Variants in KIF13A observed in about 807,000 individuals in gnomAD.
KIF13A encodes the protein kinesin-like protein KIF13A.
KIF13A carries 79 observed loss-of-function variants against 212.2 expected under a neutral mutation model. The ratio of observed to expected loss-of-function variants is 0.37; its 90% CI spans 0.31 to 0.45. The LOEUF is 0.45. Among genes scored for constraint, KIF13A ranks in the 20% least tolerant of loss-of-function variants. KIF13A has a pLI of 1.00. For synonymous variants in KIF13A, 789 were observed against 808.6 expected (o/e 0.98, Z 0.41); for missense variants, 1,901 against 2,209.0 (o/e 0.86, Z 2.79).
At chr6:17,876,807 G>A (rs1457050879) in intron 3 of KIF13A, among the ~76,000 whole-genome samples, 1 of 152,058 alleles carries the variant, frequency 6.6e-6, no homozygotes, top group African/African-American at 2.4e-5. Flanking sequence ...ACTAATTTTT[G>A]TGTTTTTTGT....
chr6:17,965,021 G>T (rs987490552), intron 2 of KIF13A, among the ~76,000 whole-genome samples: 1 of 152,000 alleles, frequency 6.6e-6, no homozygotes, highest in Admixed American at 6.6e-5. Context: ...TAGAGATGGG[G>T]TTTCACCATG....
In KIF13A at chr6:17,764,071, G is replaced by A. The variant is rs760397336; in HGVS notation, c.*39C>T. 8.2e-6 allele frequency: 13 copies of A among 1,583,592 alleles called. No homozygotes were observed. Among genetic ancestry groups the A allele is most frequent in the East Asian group, 4.5e-5 (2 of 44,436 alleles). On this transcript the variant is annotated 3_prime_UTR_variant, in exon 39 of 39. Coordinates refer to ENST00000259711, the MANE Select transcript of KIF13A (RefSeq NM_022113.6). The surrounding 1 kb of genome is among the most constrained non-coding windows in gnomAD (Gnocchi z 5.1). Reference sequence around the variant, plus strand: ...TGAATCTTTCCTACCAAGTTGTTGCGGTGAAGGGCCTCTGGGGTTGACATA... The same window carrying A: ...TGAATCTTTCCTACCAAGTTGTTGCAGTGAAGGGCCTCTGGGGTTGACATA...
rs894744387 is a variant in KIF13A, at chr6:17,892,947, G to C, written c.159+5221C>G. The stretch of plus-strand genomic sequence containing the variant: ...ATGGAACCTGAGGAGGGGGACACGG[G>C]AACTCTTGATTTATAGCCGGTAGGT... On this transcript the variant is annotated intron_variant, in intron 3 of 38. Transcript: ENST00000259711. The surrounding 1 kb of genome is among the most constrained non-coding windows in gnomAD (Gnocchi z 4.7). Among the ~76,000 whole-genome samples the C allele has an allele frequency of 9.8e-5, 15 of 152,302 alleles. No individual in the cohort carries two copies. Among genetic ancestry groups the C allele is most frequent in the African/African-American group, 3.4e-4 (14 of 41,570 alleles).
Position 17,951,231 on chromosome 6 carries a change from G to T in KIF13A, c.146+35823C>A. On this transcript the variant is annotated intron_variant, in intron 2 of 38. Transcript: ENST00000259711. This position sits in a 1 kb window ranked among gnomAD's most constrained non-coding sequence, Gnocchi z 4.9. ...GTGCAGTGGCTCAAACAGCTCACTG[G>T]AGCCTCCTGCCTCAGTCTCCTGAGT... 1 of 834,126 alleles carries T rather than the reference G, an allele frequency of 1.2e-6. No individual in the cohort carries two copies. The highest frequency in any genetic ancestry group is 1.6e-6 in the Non-Finnish European group (1 of 607,514). 51.7% of individuals were successfully genotyped at this position (834,126 alleles called of 1,614,324 possible). A position where few individuals can be genotyped will look rare whatever the true frequency, so the allele number is the denominator to read the frequency against.
intron 2 of KIF13A, among the ~76,000 whole-genome samples, chr6:17,962,575 C>T (rs1044244184): frequency 6.6e-6 from 1 of 152,070 alleles, no homozygotes; most frequent in Non-Finnish European, 1.5e-5. Context: ...CAGGACACAA[C>T]CATCTGTACC....
rs555884136 is a variant in KIF13A, at chr6:17,777,839, T to A, written c.4093-485A>T. ...TTGTTTAGCAATTTATCAAAAATAT[T>A]TTTTTTAAGATAAATAAAACTGCAG... On this transcript the variant is annotated intron_variant, in intron 33 of 38. Transcript: ENST00000259711. The surrounding 1 kb of genome is among the most constrained non-coding windows in gnomAD (Gnocchi z 4.4). Among the ~76,000 whole-genome samples the A allele has an allele frequency of 1.9e-4, 29 of 152,202 alleles. No individual in the cohort carries two copies. The highest frequency in any genetic ancestry group is 6.3e-4 in the African/African-American group (26 of 41,512).
intron 2 of KIF13A, among the ~76,000 whole-genome samples, chr6:17,901,391 G>A (rs1773047930): frequency 6.6e-6 from 1 of 151,990 alleles, no homozygotes; most frequent in African/African-American, 2.4e-5. Flanking sequence ...AATCTTCATC[G>A]CTTTCATATA....
chr6:17,764,344 G>A lies in KIF13A; in HGVS notation c.5184C>T (p.Asn1728=). ...CTGTGAAAGAATGGTCTTCAAGGAT[G>A]TTGGTGGTGTGTTCTACCGTCACCT... ...PREVTVEHTT[N]ILEDHSFTEF... Residue 1728 remains asparagine (N), a synonymous_variant, in exon 39 of 39, where the codon AAC becomes AAT. Coordinates refer to ENST00000259711, the MANE Select transcript of KIF13A (RefSeq NM_022113.6). The surrounding 1 kb of genome is among the most constrained non-coding windows in gnomAD (Gnocchi z 5.1). 2 of 1,613,992 alleles carry A rather than the reference G, an allele frequency of 1.2e-6. No individual in the cohort carries two copies. The highest frequency in any genetic ancestry group is 1.7e-6 in the Non-Finnish European group (2 of 1,179,884).
intron 34 of KIF13A, among the ~76,000 whole-genome samples, chr6:17,775,950 C>T (rs976617554): frequency 2.6e-5 from 4 of 151,980 alleles, no homozygotes; most frequent in Non-Finnish European, 2.9e-5. Flanking sequence ...GGCGCAATCT[C>T]GGCGCACCGC....
rs1759305768 is a variant in KIF13A, at chr6:17,769,488, C to T, written c.4581+1626G>A. Reference sequence around the variant, plus strand: ...TTCCTGGGTCAAGAGAATCTGGTTCCATCCTTCTCTCTGCTAGCTGAAAGC... The same window carrying T: ...TTCCTGGGTCAAGAGAATCTGGTTCTATCCTTCTCTCTGCTAGCTGAAAGC... On this transcript the variant is annotated intron_variant, in intron 38 of 38. Transcript: ENST00000259711. The surrounding 1 kb of genome is among the most constrained non-coding windows in gnomAD (Gnocchi z 5.8). Among the ~76,000 whole-genome samples, 1 of 152,108 alleles carries T rather than the reference C, an allele frequency of 6.6e-6. No individual in the cohort carries two copies. The highest frequency in any genetic ancestry group is 2.4e-5 in the African/African-American group (1 of 41,414).
chr6:17,949,393 A>G (rs887089336), intron 2 of KIF13A, among the ~76,000 whole-genome samples: 2 of 152,200 alleles, frequency 1.3e-5, no homozygotes, highest in African/African-American at 2.4e-5. Context: ...CAACATTTTA[A>G]TTCTGGCTAC....
chr6:17,866,052 C>T (rs1179372592), intron 4 of KIF13A, among the ~76,000 whole-genome samples: 3 of 152,176 alleles, frequency 2.0e-5, no homozygotes, highest in Admixed American at 6.5e-5. Context: ...AGCCACTCAC[C>T]TGTGAAGAAT....
chr6:17,859,636 A>ATTTTTTTTTTTTTTTTTTTT (rs1204467896), intron 4 of KIF13A, among the ~76,000 whole-genome samples: 2 of 111,074 alleles, frequency 1.8e-5, no homozygotes, highest in Non-Finnish European at 3.9e-5. Flanking sequence ...ATATATATAT[A>ATTTTTTTTTTTTTTTTTTTT]TATTTTTTTT....
rs979932504 is a variant in KIF13A at position 17,834,601 on chromosome 6, A to G, written c.1156-530T>C. Among the ~76,000 whole-genome samples, 9 of 152,204 alleles carry G rather than the reference A, an allele frequency of 5.9e-5. No individual in the cohort carries two copies. The highest frequency in any genetic ancestry group is 2.2e-4 in the African/African-American group (9 of 41,434). On this transcript the variant is annotated intron_variant, in intron 11 of 38. Transcript: ENST00000259711. This position sits in a 1 kb window ranked among gnomAD's most constrained non-coding sequence, Gnocchi z 4.0. ...TCACCCAGAAGCAGCACAGCTGGCT[A>G]AAAAGGCAGTGGTTTCCCTTCTAGT... is the stretch of plus-strand genomic sequence containing the variant.
chr6:17,981,431 T>C (rs544052023), intron 2 of KIF13A, among the ~76,000 whole-genome samples: 51 of 148,620 alleles, frequency 3.4e-4, no homozygotes, highest in African/African-American at 1.2e-3. Context: ...TTTTTCTTTT[T>C]TTTTTTTTTT....
At chr6:17,970,001 A>ATG in intron 2 of KIF13A, among the ~76,000 whole-genome samples, 1 of 151,312 alleles carries the variant, frequency 6.6e-6, no homozygotes, top group Non-Finnish European at 1.5e-5. Flanking sequence ...CGGCTCACTG[A>ATG]AAGCTCTGCC....
chr6:17,956,454 T>C (rs1266935884), intron 2 of KIF13A, among the ~76,000 whole-genome samples: 4 of 152,210 alleles, frequency 2.6e-5, no homozygotes, highest in Admixed American at 6.5e-5. Flanking sequence ...TGCCTAGCAC[T>C]GCAAAAGCAA....
chr6:17,903,345 T>C (rs1581685521), intron 2 of KIF13A, among the ~76,000 whole-genome samples: 2 of 152,200 alleles, frequency 1.3e-5, no homozygotes, highest in East Asian at 3.8e-4. Flanking sequence ...GAACATATTT[T>C]GGGGGAAATG....
chr6:17,981,297 A>AAT (rs1362630268), intron 2 of KIF13A, among the ~76,000 whole-genome samples: 9 of 152,186 alleles, frequency 5.9e-5, no homozygotes, highest in African/African-American at 2.2e-4. Flanking sequence ...TAACCTTTGA[A>AAT]ATATACATAT....
Sources: allele counts gnomAD v4.1 joint callset (sites outside exome capture counted in the v4.1 genomes callset), GRCh38; gene constraint gnomAD v4.1.1; non-coding constraint Gnocchi (gnomAD v3.1); transcripts MANE v1.5; gene names NCBI Gene and HGNC (gene_info 2026-07-23, HGNC 2026-07-21).